Variants in TMEM108 observed in about 807,000 individuals in gnomAD.
TMEM108 encodes transmembrane protein 108.
In TMEM108, 12 loss-of-function variants were observed where a neutral mutation model predicts 35.1. That is an observed-to-expected ratio of 0.34 (90% CI 0.22 to 0.55). TMEM108 has a LOEUF of 0.55. Ranked by LOEUF, TMEM108 falls within the 20% of genes least tolerant of loss-of-function variation. TMEM108 has a pLI of 0.89. For synonymous variants in TMEM108, 287 were observed against 308.6 expected (o/e 0.93, Z 0.73); for missense variants, 680 against 753.3 (o/e 0.90, Z 1.14).
At chr3:133,064,723 T>A (rs1011888119) in intron 2 of TMEM108, among the ~76,000 whole-genome samples, 2 of 150,634 alleles carry the variant, frequency 1.3e-5, no homozygotes, top group Non-Finnish European at 3.0e-5. Flanking sequence ...TTTTTTTTTT[T>A]AATGGACAGT....
chr3:133,295,250 A>G (rs1947127947), intron 3 of TMEM108, among the ~76,000 whole-genome samples: 1 of 152,212 alleles, frequency 6.6e-6, no homozygotes, highest in African/African-American at 2.4e-5. Context: ...CCTGAGAACC[A>G]TAGCATTTGA....
intron 4 of TMEM108, chr3:133,386,500 A>G: frequency 6.5e-7 from 1 of 1,535,340 alleles, no homozygotes; most frequent in Non-Finnish European, 8.7e-7. Context: ...AAATGGAGTG[A>G]CCCCTCTTCT....
chr3:133,291,518 T>A (rs1947068567), intron 3 of TMEM108, among the ~76,000 whole-genome samples: 1 of 152,092 alleles, frequency 6.6e-6, no homozygotes, highest in Admixed American at 6.6e-5. Context: ...GCTCAAATGA[T>A]CCTCCCACCT....
intron 2 of TMEM108, among the ~76,000 whole-genome samples, chr3:133,193,992 A>T (rs1324696804): frequency 2.0e-5 from 3 of 148,252 alleles, no homozygotes; most frequent in African/African-American, 7.5e-5. Flanking sequence ...GCTGGAGTGC[A>T]GTGGTGCGAT....
chr3:133,191,670 C>CT (rs1945499798), intron 2 of TMEM108, among the ~76,000 whole-genome samples: 1 of 152,168 alleles, frequency 6.6e-6, no homozygotes, highest in African/African-American at 2.4e-5. Context: ...AAGTCTCCTT[C>CT]CCAACTTCCT....
intron 2 of TMEM108, among the ~76,000 whole-genome samples, chr3:133,151,097 A>AT (rs1418622266): frequency 6.6e-6 from 1 of 151,440 alleles, no homozygotes; most frequent in African/African-American, 2.4e-5. Flanking sequence ...TTTCACCACC[A>AT]TTTTTTCCAG....
At chr3:133,096,899 A>G (rs1380099179) in intron 2 of TMEM108, among the ~76,000 whole-genome samples, 1 of 152,226 alleles carries the variant, frequency 6.6e-6, no homozygotes, top group African/African-American at 2.4e-5. Flanking sequence ...GGCAACAGTT[A>G]ACTTGAGCAG....
intron 3 of TMEM108, among the ~76,000 whole-genome samples, chr3:133,321,012 T>TA (rs2071260734): frequency 6.6e-6 from 1 of 152,102 alleles, no homozygotes; most frequent in Admixed American, 6.5e-5. Flanking sequence ...CAAGAAATTC[T>TA]AAAAAGAGAT....
intron 2 of TMEM108, among the ~76,000 whole-genome samples, chr3:133,141,018 C>T (rs544407461): frequency 1.3e-5 from 2 of 152,206 alleles, no homozygotes; most frequent in African/African-American, 4.8e-5. Flanking sequence ...AGGTTCACTC[C>T]AAAAGGATCC....
chr3:133,246,058 AT>A (rs1225962076), intron 3 of TMEM108: 1 of 152,056 alleles, frequency 6.6e-6, no homozygotes, highest in Non-Finnish European at 1.5e-5. Flanking sequence ...AGTTGGTTAG[AT>A]TTCATAAAAC....
chr3:133,278,483 A>G (rs1483709273), intron 3 of TMEM108, among the ~76,000 whole-genome samples: 2 of 152,230 alleles, frequency 1.3e-5, no homozygotes, highest in African/African-American at 2.4e-5. Context: ...TTATGTGAAC[A>G]TTGTAGAGTG....
At chr3:133,083,830 A>G (rs566486139) in intron 2 of TMEM108, among the ~76,000 whole-genome samples, 4 of 151,868 alleles carry the variant, frequency 2.6e-5, no homozygotes, top group African/African-American at 9.7e-5. Context: ...CTTTTATTCT[A>G]TTGTTTTCCC....
At chr3:133,249,153 C>T (rs1271379274) in intron 3 of TMEM108, among the ~76,000 whole-genome samples, 1 of 152,132 alleles carries the variant, frequency 6.6e-6, no homozygotes, top group East Asian at 1.9e-4. Flanking sequence ...TCACAATTTG[C>T]GTCAAGTCTG....
chr3:133,367,328 T>C (rs1332674215), intron 3 of TMEM108, among the ~76,000 whole-genome samples: 1 of 152,214 alleles, frequency 6.6e-6, no homozygotes, highest in Non-Finnish European at 1.5e-5. Context: ...TTAATGATGG[T>C]ATCAGTATTG....
At chr3:133,153,555 C>T (rs1009530897) in intron 2 of TMEM108, among the ~76,000 whole-genome samples, 6 of 152,152 alleles carry the variant, frequency 3.9e-5, no homozygotes, top group Middle Eastern at 3.2e-3. Context: ...GACAAGCTAT[C>T]AGGAAACTGG....
intron 2 of TMEM108, among the ~76,000 whole-genome samples, chr3:133,187,193 G>A (rs1221651734): frequency 1.3e-5 from 2 of 152,146 alleles, no homozygotes; most frequent in Non-Finnish European, 2.9e-5. Flanking sequence ...ATGCAGAACT[G>A]TTTTCTTAAC....
At chr3:133,134,990 G>T (rs955051756) in intron 2 of TMEM108, among the ~76,000 whole-genome samples, 3 of 151,790 alleles carry the variant, frequency 2.0e-5, no homozygotes, top group Non-Finnish European at 4.4e-5. Flanking sequence ...ATCTCTATTT[G>T]AATATGCTCC....
At chr3:133,116,387 A>G (rs1303547542) in intron 2 of TMEM108, among the ~76,000 whole-genome samples, 1 of 152,002 alleles carries the variant, frequency 6.6e-6, no homozygotes, top group Admixed American at 6.5e-5. Flanking sequence ...TGTTATAACA[A>G]CTTAGTATGA....
intron 3 of TMEM108, among the ~76,000 whole-genome samples, chr3:133,258,717 T>G (rs576100032): frequency 1.1e-4 from 16 of 152,280 alleles, no homozygotes; most frequent in African/African-American, 3.9e-4. Context: ...CCCAAAACTT[T>G]GCATGAAGCA....
Sources: gnomAD v4.1 joint callset for allele counts (sites outside exome capture counted in the v4.1 genomes callset) on GRCh38, gnomAD v4.1.1 for gene constraint, MANE v1.5 for transcripts, NCBI Gene and HGNC (gene_info 2026-07-23, HGNC 2026-07-21) for gene names.